TIMP2: variants seen among roughly 807,000 people sequenced by gnomAD.
TIMP2 encodes the protein TIMP metallopeptidase inhibitor 2, also known as metalloproteinase inhibitor 2.
In TIMP2, 5 loss-of-function variants were observed where a neutral mutation model predicts 24.3. The observed-to-expected ratio is 0.21, with a 90% CI of 0.11 to 0.43. The LOEUF (loss-of-function observed/expected upper bound fraction) is 0.43, where lower values mean the gene tolerates loss of function less well. Among genes scored for constraint, TIMP2 ranks in the 20% least tolerant of loss-of-function variants. The pLI is 1.00. For synonymous variants in TIMP2, 130 were observed against 123.2 expected, an observed-to-expected ratio of 1.06 and a Z score of -0.37; for missense variants, 221 against 297.5, an observed-to-expected ratio of 0.74 and a Z score of 1.89.
intron 1 of TIMP2, chr17:78,890,666 C>T: frequency 6.4e-7 from 1 of 1,550,448 alleles, no homozygotes; most frequent in South Asian, 1.2e-5. Flanking sequence ...CTCCCGCAAG[C>T]ATTTCCGGGC....
chr17:78,906,223 C>A (rs1264361586), intron 1 of TIMP2, among the ~76,000 whole-genome samples: 2 of 152,030 alleles, frequency 1.3e-5, no homozygotes, highest in African/African-American at 2.4e-5. Context: ...CTAAAAATAG[C>A]CAGGCATAGT....
At chr17:78,857,274 C>T (rs1433063383) in intron 4 of TIMP2, 6 of 497,054 alleles carry the variant, frequency 1.2e-5, no homozygotes, top group African/African-American at 3.9e-5. Context: ...AGGCGTGAGC[C>T]GCAGCGCCCG....
At chr17:78,922,727 G>T (rs1476139108) in intron 1 of TIMP2, among the ~76,000 whole-genome samples, 1 of 152,186 alleles carries the variant, frequency 6.6e-6, no homozygotes, top group Non-Finnish European at 1.5e-5. Context: ...GCTGAGGCAG[G>T]AGAATTGCTC....
intron 1 of TIMP2, among the ~76,000 whole-genome samples, chr17:78,876,080 C>T (rs1216875045): frequency 6.6e-6 from 1 of 152,192 alleles, no homozygotes; most frequent in Non-Finnish European, 1.5e-5. Context: ...GCCCTGACGG[C>T]CCCCTATTTC....
In TIMP2 at chr17:78,873,965, C is replaced by T. The variant is rs530144177; in HGVS notation, c.131-46G>A. 67 of 1,568,804 alleles carry T rather than the reference C, an allele frequency of 4.3e-5. No homozygotes were observed. The South Asian group carries it at 7.3e-4, about 17-fold the overall frequency. ...AGGTGAGGAGAGTTCCTGAAACACG[C>T]TCCTGGGGCTAAGGAGAGGGATAAG... On this transcript the variant is annotated intron_variant, in intron 1 of 4. Transcript: ENST00000262768.
At chr17:78,875,903 C>T (rs1438164213) in intron 1 of TIMP2, among the ~76,000 whole-genome samples, 1 of 152,218 alleles carries the variant, frequency 6.6e-6, no homozygotes, top group Non-Finnish European at 1.5e-5. Context: ...CACAGCCCCA[C>T]TGCCTCGCCT....
intron 1 of TIMP2, chr17:78,901,839 C>T (rs1408132487): frequency 1.4e-6 from 1 of 708,414 alleles, no homozygotes; most frequent in Non-Finnish European, 2.6e-6. Context: ...TACAGGGAGG[C>T]AGAAGCTGAC....
chr17:78,902,830 G>C (rs57500548), intron 1 of TIMP2: 11,932 of 152,440 alleles, frequency 0.078, 511 homozygotes, highest in Middle Eastern at 0.13. Flanking sequence ...ATCCCAGCAG[G>C]TGTTCCTGCT....
chr17:78,855,878 C>G lies in TIMP2; in HGVS notation c.466-14G>C. 6.2e-7 allele frequency: 1 copy of G among 1,613,432 alleles called. No individual in the cohort carries two copies. The highest frequency in any genetic ancestry group is 8.5e-7 in the Non-Finnish European group (1 of 1,179,852). On this transcript the variant is annotated splice_polypyrimidine_tract_variant and intron_variant, in intron 4 of 4. Coordinates refer to ENST00000262768, the MANE Select transcript of TIMP2 (RefSeq NM_003255.5). This position sits in a 1 kb window ranked among gnomAD's most constrained non-coding sequence, Gnocchi z 6.0. ...GCAGCGCGTGATCTGGGGAGGGGCA[C>G]ACGGAGGGGGACGGAGTCAGGGACC...
intron 1 of TIMP2, among the ~76,000 whole-genome samples, chr17:78,883,960 G>C (rs561772161): frequency 6.6e-6 from 1 of 152,350 alleles, no homozygotes; most frequent in South Asian, 2.1e-4. Flanking sequence ...ACGTGCTGCT[G>C]AATCACTTGA....
intron 1 of TIMP2, chr17:78,901,817 C>A (rs923583812): frequency 9.8e-6 from 7 of 715,798 alleles, no homozygotes; most frequent in African/African-American, 8.8e-5. Flanking sequence ...AGCTAGACCA[C>A]CCAGAACACA....
At chr17:78,857,851 C>T (rs1352888996) in intron 3 of TIMP2, among the ~76,000 whole-genome samples, 3 of 152,056 alleles carry the variant, frequency 2.0e-5, no homozygotes. Context: ...GGGTGGATCT[C>T]TTGAGGCCAG....
intron 2 of TIMP2, 43 bp downstream of exon 2, chr17:78,873,776 C>T (rs1174449735): frequency 6.4e-7 from 1 of 1,552,412 alleles, no homozygotes; most frequent in Admixed American, 1.7e-5. Flanking sequence ...CACCCCACAG[C>T]TGTGCCCACA....
At chr17:78,871,516 T>A (rs1018796336) in intron 2 of TIMP2, among the ~76,000 whole-genome samples, 1 of 148,834 alleles carries the variant, frequency 6.7e-6, no homozygotes, top group East Asian at 2.0e-4. Flanking sequence ...TTGGAGTCAC[T>A]CAACTTTTAG....
At chr17:78,885,348 C>CTCG (rs2069816509) in intron 1 of TIMP2, among the ~76,000 whole-genome samples, 1 of 152,236 alleles carries the variant, frequency 6.6e-6, no homozygotes, top group Admixed American at 6.5e-5. Context: ...GCAGGAGAAC[C>CTCG]GTGCGGGGTA....
chr17:78,909,270 G>A (rs563917676), intron 1 of TIMP2, among the ~76,000 whole-genome samples: 1 of 152,000 alleles, frequency 6.6e-6, no homozygotes, highest in Non-Finnish European at 1.5e-5. Flanking sequence ...TGGGAGGACT[G>A]CTTGAGCCCA....
chr17:78,907,707 A>G (rs1374514399), intron 1 of TIMP2, among the ~76,000 whole-genome samples: 1 of 152,264 alleles, frequency 6.6e-6, no homozygotes, highest in African/African-American at 2.4e-5. Context: ...TATTCAATTC[A>G]TGAAAACGCA....
chr17:78,921,159 C>G (rs549583872), intron 1 of TIMP2, among the ~76,000 whole-genome samples: 1 of 152,170 alleles, frequency 6.6e-6, no homozygotes, highest in Non-Finnish European at 1.5e-5. Context: ...TTTTTGACTG[C>G]GTGCTGTGTG....
At chr17:78,880,674 T>C (rs1448917279) in intron 1 of TIMP2, among the ~76,000 whole-genome samples, 5 of 152,244 alleles carry the variant, frequency 3.3e-5, no homozygotes, top group Non-Finnish European at 7.3e-5. Flanking sequence ...ACCTCGGTCC[T>C]GGGTGAAAGA....
Sources: gnomAD v4.1 joint callset for allele counts (sites outside exome capture counted in the v4.1 genomes callset) on GRCh38, gnomAD v4.1.1 for gene constraint, Gnocchi (gnomAD v3.1) non-coding constraint, MANE v1.5 for transcripts, NCBI Gene and HGNC (gene_info 2026-07-23, HGNC 2026-07-21) for gene names.